Variants in KITLG observed in about 807,000 individuals in gnomAD.
KITLG encodes c-Kit ligand.
In KITLG, 13 loss-of-function variants were observed where a neutral mutation model predicts 34.1. The ratio of observed to expected loss-of-function variants is 0.38; its 90% CI spans 0.25 to 0.61. The LOEUF (loss-of-function observed/expected upper bound fraction) is 0.61. Among genes scored for constraint, KITLG ranks in the 20% least tolerant of loss-of-function variants. The pLI is 0.60. For missense variants in KITLG, 292 were observed against 318.9 expected (o/e 0.92, Z 0.64); for synonymous variants, 110 against 104.0 (o/e 1.06, Z -0.35).
At chr12:88,556,503 G>C (rs1871103399) in intron 1 of KITLG, among the ~76,000 whole-genome samples, 1 of 152,154 alleles carries the variant, frequency 6.6e-6, no homozygotes, top group African/African-American at 2.4e-5. Context: ...TGAGAATGGA[G>C]AGAAATGAAC....
chr12:88,505,170 A>G lies in KITLG; in HGVS notation c.*26T>C, dbSNP rs1421655788. On this transcript the variant is annotated 3_prime_UTR_variant, in exon 9 of 10. Coordinates refer to ENST00000644744, the MANE Select transcript of KITLG (RefSeq NM_000899.5). Reference sequence around the variant, plus strand: ...AGAAAAAAACTTACCAATGTACGAAAGTAACAGTGTTGATACAAGCCACAA... The same window carrying G: ...AGAAAAAAACTTACCAATGTACGAAGGTAACAGTGTTGATACAAGCCACAA... 4 of 1,568,122 alleles carry G rather than the reference A, an allele frequency of 2.6e-6. No individual in the cohort carries two copies. Among genetic ancestry groups the G allele is most frequent in the Non-Finnish European group, 2.6e-6 (3 of 1,139,318 alleles).
At chr12:88,535,565 C>T (rs926346444) in intron 2 of KITLG, among the ~76,000 whole-genome samples, 11 of 152,102 alleles carry the variant, frequency 7.2e-5, no homozygotes, top group Admixed American at 6.6e-5. Flanking sequence ...CTACCTATAG[C>T]GCAGTATCCC....
At chr12:88,513,622 T>C (rs1447660766) in intron 6 of KITLG, among the ~76,000 whole-genome samples, 1 of 151,674 alleles carries the variant, frequency 6.6e-6, no homozygotes, top group Non-Finnish European at 1.5e-5. Context: ...TTTGCTCTAA[T>C]ATCAGACAAA....
At chr12:88,544,360 C>G (rs572849313) in intron 2 of KITLG, among the ~76,000 whole-genome samples, 2 of 152,112 alleles carry the variant, frequency 1.3e-5, no homozygotes, top group African/African-American at 4.8e-5. Flanking sequence ...GGTCACACAG[C>G]CATCACATGT....
At chr12:88,575,302 A>G (rs1004475772) in intron 1 of KITLG, among the ~76,000 whole-genome samples, 2 of 152,212 alleles carry the variant, frequency 1.3e-5, no homozygotes, top group Non-Finnish European at 2.9e-5. Context: ...CTACAAAAAT[A>G]GTAAAATGTA....
At chr12:88,501,247 A>G (rs976242104) in intron 9 of KITLG, among the ~76,000 whole-genome samples, 1 of 152,080 alleles carries the variant, frequency 6.6e-6, no homozygotes, top group Non-Finnish European at 1.5e-5. Flanking sequence ...TAGTGTTCCA[A>G]TATTTGTCTT....
chr12:88,549,421 G>A (rs1335093431), intron 1 of KITLG, among the ~76,000 whole-genome samples: 2 of 152,140 alleles, frequency 1.3e-5, no homozygotes, highest in Non-Finnish European at 2.9e-5. Flanking sequence ...AATCAAGAAA[G>A]GGTTATAGTA....
intron 1 of KITLG, among the ~76,000 whole-genome samples, chr12:88,554,301 T>C (rs1871024707): frequency 1.3e-5 from 2 of 152,182 alleles, no homozygotes; most frequent in Non-Finnish European, 2.9e-5. Context: ...TTTTTTTCTC[T>C]ATGAATATGA....
At chr12:88,536,137 T>C (rs1391364836) in intron 2 of KITLG, among the ~76,000 whole-genome samples, 4 of 152,066 alleles carry the variant, frequency 2.6e-5, no homozygotes, top group Admixed American at 6.6e-5. Context: ...GGGGAAAATA[T>C]TTGTAAACTA....
intron 9 of KITLG, among the ~76,000 whole-genome samples, chr12:88,501,304 C>T (rs1392440971): frequency 6.6e-6 from 1 of 152,102 alleles, no homozygotes; most frequent in East Asian, 1.9e-4. Flanking sequence ...AGGGAGAAAT[C>T]CTTGCCATAA....
intron 9 of KITLG, among the ~76,000 whole-genome samples, chr12:88,503,919 C>T (rs917333291): frequency 6.6e-6 from 1 of 152,082 alleles, no homozygotes; most frequent in African/African-American, 2.4e-5. Context: ...GGCAGGGAAA[C>T]ATTCTGGTTT....
chr12:88,557,170 T>C (rs1180795288), intron 1 of KITLG, among the ~76,000 whole-genome samples: 1 of 152,090 alleles, frequency 6.6e-6, no homozygotes, highest in African/African-American at 2.4e-5. Context: ...TTCTCTTTTT[T>C]AAATGGCCTA....
intron 2 of KITLG, among the ~76,000 whole-genome samples, chr12:88,542,118 G>C (rs1432141779): frequency 6.6e-6 from 1 of 152,070 alleles, no homozygotes; most frequent in African/African-American, 2.4e-5. Context: ...ATTATTCCAA[G>C]AGGTGCAACC....
chr12:88,571,251 A>G (rs1041702799), intron 1 of KITLG, among the ~76,000 whole-genome samples: 1 of 152,204 alleles, frequency 6.6e-6, no homozygotes, highest in African/African-American at 2.4e-5. Context: ...AGTAAGTGCC[A>G]GTTGCTGTGA....
rs752190673 is a variant in KITLG at position 88,526,603 on chromosome 12, A to G, written c.192+5838T>C. On this transcript the variant is annotated intron_variant, in intron 3 of 9. Coordinates refer to ENST00000644744, the MANE Select transcript of KITLG (RefSeq NM_000899.5). ...GAAGTTTACAGGTTGGTGGAAGATT[A>G]TCTATTAAATCATCCCACAAATACA... Among the ~76,000 whole-genome samples, 5 of 152,298 alleles carry G rather than the reference A, an allele frequency of 3.3e-5. 1 individual carries two copies. The highest frequency in any genetic ancestry group is 9.6e-5 in the African/African-American group (4 of 41,580).
intron 2 of KITLG, chr12:88,534,848 G>T (rs747327513): frequency 2.9e-6 from 1 of 349,222 alleles, no homozygotes; most frequent in Non-Finnish European, 5.5e-6. Context: ...AGGAAAAAGC[G>T]TCTAGTCATT....
At chr12:88,538,735 A>G (rs1870416110) in intron 2 of KITLG, among the ~76,000 whole-genome samples, 1 of 152,256 alleles carries the variant, frequency 6.6e-6, no homozygotes, top group African/African-American at 2.4e-5. Context: ...ATTTTAAAAA[A>G]CAAATCTGTT....
chr12:88,577,121 G>A (rs1592592321), intron 1 of KITLG, among the ~76,000 whole-genome samples: 1 of 152,102 alleles, frequency 6.6e-6, no homozygotes, highest in South Asian at 2.1e-4. Context: ...TCCAAATTGA[G>A]TGATCTTAAG....
intron 3 of KITLG, among the ~76,000 whole-genome samples, chr12:88,526,471 T>C (rs936601451): frequency 6.6e-6 from 1 of 152,194 alleles, no homozygotes; most frequent in African/African-American, 2.4e-5. Context: ...TTCTTCCTCC[T>C]TCCTTTCTTC....
Sources: gnomAD v4.1 joint callset for allele counts (sites outside exome capture counted in the v4.1 genomes callset) on GRCh38, gnomAD v4.1.1 for gene constraint, MANE v1.5 for transcripts, NCBI Gene and HGNC (gene_info 2026-07-23, HGNC 2026-07-21) for gene names.